WDR70: variants seen among roughly 807,000 people sequenced by gnomAD.
WDR70 encodes WD repeat domain 70.
In WDR70, 53 loss-of-function variants were observed where a neutral mutation model predicts 88.6. That is an observed-to-expected ratio of 0.60 (90% CI 0.48 to 0.75). WDR70 has a LOEUF of 0.75. WDR70 is among the 30% of genes least tolerant of loss of function. The probability of loss-of-function intolerance (pLI) is 0.00; values close to 1 mark genes in which losing one functional copy is unlikely to be tolerated. For synonymous variants in WDR70, 280 were observed against 270.0 expected (o/e 1.04, Z -0.36); for missense variants, 610 against 823.2 (o/e 0.74, Z 3.17).
At chr5:37,747,296 G>A (rs764353303) in intron 17 of WDR70, among the ~76,000 whole-genome samples, 28 of 152,204 alleles carry the variant, frequency 1.8e-4, no homozygotes, top group Middle Eastern at 3.4e-3. Context: ...GATCATCAGA[G>A]AAATGCAAAT....
Position 37,449,225 on chromosome 5 carries a change from G to A in WDR70, c.686+5853G>A, listed in dbSNP as rs1016215505. On this transcript the variant is annotated intron_variant, in intron 7 of 17. Transcript: ENST00000265107. ...ACTGTGGTGATTGGGAGCTCTTTTA[G>A]TTTGGTCTTTTGTCGCTTTGACATG... 3.2e-4 allele frequency among the ~76,000 whole-genome samples: 48 copies of A among 152,256 alleles called. 1 individual carries two copies. The highest frequency in any genetic ancestry group is 3.4e-3 in the Middle Eastern group (1 of 294).
chr5:37,718,364 A>G (rs542795635), intron 13 of WDR70, among the ~76,000 whole-genome samples: 53 of 152,270 alleles, frequency 3.5e-4, no homozygotes, highest in Admixed American at 7.2e-4. Context: ...CTTGGAATTT[A>G]TCAGGCCTAC....
chr5:37,489,659 C>T (rs867298665), intron 8 of WDR70, among the ~76,000 whole-genome samples: 5 of 152,046 alleles, frequency 3.3e-5, no homozygotes, highest in Admixed American at 6.5e-5. Context: ...GTACACACTC[C>T]TGCTTGGAGT....
rs143727594 is a variant in WDR70, at chr5:37,692,151, C to T, written c.1093-5504C>T. ...GACACATACACCACCCCCCACCCCT[C>T]GCAAGACTAAATGAGGAATAAGTTG... is the stretch of plus-strand genomic sequence containing the variant. On this transcript the variant is annotated intron_variant, in intron 10 of 17. Coordinates refer to ENST00000265107, the MANE Select transcript of WDR70 (RefSeq NM_018034.4). Among the ~76,000 whole-genome samples the T allele has an allele frequency of 5.9e-5, 9 of 151,978 alleles. No individual in the cohort carries two copies. In the East Asian group the frequency reaches 1.5e-3, roughly 26 times the overall value.
intron 9 of WDR70, among the ~76,000 whole-genome samples, chr5:37,520,415 T>C (rs893741153): frequency 6.6e-6 from 1 of 152,076 alleles, no homozygotes; most frequent in Non-Finnish European, 1.5e-5. Flanking sequence ...AAATATATTT[T>C]AGTAAAATTT....
At chr5:37,531,688 T>C (rs1741492129) in intron 9 of WDR70, among the ~76,000 whole-genome samples, 1 of 150,978 alleles carries the variant, frequency 6.6e-6, no homozygotes, top group Non-Finnish European at 1.5e-5. Context: ...AGCAGAAACT[T>C]GATTGTTGAA....
At chr5:37,575,626 A>G (rs1743030145) in intron 9 of WDR70, among the ~76,000 whole-genome samples, 1 of 152,240 alleles carries the variant, frequency 6.6e-6, no homozygotes, top group Non-Finnish European at 1.5e-5. Context: ...CCAACTCCGT[A>G]GAGACAGAAG....
intron 9 of WDR70, among the ~76,000 whole-genome samples, chr5:37,526,385 A>C (rs758540411): frequency 2.0e-5 from 3 of 152,248 alleles, no homozygotes; most frequent in African/African-American, 2.4e-5. Flanking sequence ...AAAAAACCAC[A>C]TGATTATCTC....
At chr5:37,569,913 C>A (rs993162128) in intron 9 of WDR70, among the ~76,000 whole-genome samples, 3 of 151,832 alleles carry the variant, frequency 2.0e-5, no homozygotes, top group African/African-American at 7.3e-5. Context: ...TGTAGAAAGA[C>A]CTAAAGGCAA....
At chr5:37,678,721 C>T (rs906475986) in intron 10 of WDR70, among the ~76,000 whole-genome samples, 3 of 152,150 alleles carry the variant, frequency 2.0e-5, no homozygotes, top group Admixed American at 6.5e-5. Context: ...TGGAGTTGCT[C>T]TTCTCGAGGA....
chr5:37,449,465 G>T (rs1181639296), intron 7 of WDR70, among the ~76,000 whole-genome samples: 8 of 151,862 alleles, frequency 5.3e-5, no homozygotes, highest in African/African-American at 1.9e-4. Flanking sequence ...GTTGGTGGGT[G>T]CCTGTAATCC....
At chr5:37,624,485 G>A (rs1289402554) in intron 10 of WDR70, among the ~76,000 whole-genome samples, 1 of 152,086 alleles carries the variant, frequency 6.6e-6, no homozygotes, top group African/African-American at 2.4e-5. Context: ...GTTGTGAATA[G>A]GGCAGCAGTA....
chr5:37,641,777 G>C (rs935324052), intron 10 of WDR70, among the ~76,000 whole-genome samples: 2 of 152,046 alleles, frequency 1.3e-5, no homozygotes, highest in African/African-American at 4.8e-5. Flanking sequence ...ATACTTCCTA[G>C]TTCCTGTAAG....
In WDR70 at chr5:37,723,020, C is replaced by A. The variant is rs551176841; in HGVS notation, c.1597+86C>A. ...TGCATAGCTTTAGAGACAGAGAAAG[C>A]CCTCAGAATTCAGGCATATATTACA... On this transcript the variant is annotated intron_variant, in intron 15 of 17. Coordinates refer to ENST00000265107, the MANE Select transcript of WDR70 (RefSeq NM_018034.4). 414 of 1,519,114 alleles carry A rather than the reference C, an allele frequency of 2.7e-4. 1 individual carries two copies. The highest frequency in any genetic ancestry group is 3.5e-4 in the Non-Finnish European group (389 of 1,098,250). The allele number at this position is 1,519,114 out of a possible 1,614,324, so 94.1% of individuals were successfully genotyped here.
intron 10 of WDR70, among the ~76,000 whole-genome samples, chr5:37,643,527 A>G (rs961785502): frequency 7.2e-5 from 11 of 151,852 alleles, no homozygotes; most frequent in Non-Finnish European, 1.0e-4. Context: ...TCTGTGAAGA[A>G]TGTCATTGGT....
intron 10 of WDR70, among the ~76,000 whole-genome samples, chr5:37,631,214 G>T (rs79147808): frequency 6.6e-6 from 1 of 152,032 alleles, no homozygotes; most frequent in Non-Finnish European, 1.5e-5. Flanking sequence ...TTGTAGCCTT[G>T]GTCCTTTTTA....
Position 37,396,381 on chromosome 5 carries a change from G to C in WDR70, c.303G>C (p.Thr101=). The C allele has an allele frequency of 6.2e-7, 1 of 1,608,084 alleles. No homozygotes were observed. Among genetic ancestry groups the C allele is most frequent in the Non-Finnish European group, 8.5e-7 (1 of 1,177,160 alleles). Residue 101 remains threonine, a synonymous_variant, in exon 5 of 18, where the codon ACG becomes ACC. Transcript: ENST00000265107. ...RDCSKSSSRD[T]SSSESEQSSD... ...TCTGTTTCTGTATTTTCAGGGATACGAGCAGCAGTGAAAGTGAACAGAGTT... is the reference window on the plus strand; with the variant it reads ...TCTGTTTCTGTATTTTCAGGGATACCAGCAGCAGTGAAAGTGAACAGAGTT...
At chr5:37,445,047 A>G (rs66703795) in intron 7 of WDR70, among the ~76,000 whole-genome samples, 39,601 of 152,076 alleles carry the variant, frequency 0.26, 5,772 homozygotes, top group East Asian at 0.48. Flanking sequence ...ATACCAGTCC[A>G]TGTCCTGGGC....
intron 9 of WDR70, among the ~76,000 whole-genome samples, chr5:37,517,853 A>G (rs1350135956): frequency 6.9e-6 from 1 of 145,734 alleles, no homozygotes; most frequent in Non-Finnish European, 1.5e-5. Context: ...TTATTATATT[A>G]TTTTTTATTA....
Sources: gnomAD v4.1 joint callset for allele counts (sites outside exome capture counted in the v4.1 genomes callset) on GRCh38, gnomAD v4.1.1 for gene constraint, MANE v1.5 for transcripts, NCBI Gene and HGNC (gene_info 2026-07-23, HGNC 2026-07-21) for gene names.